CXADR: variants seen among roughly 807,000 people sequenced by gnomAD.
CXADR encodes CXADR cell adhesion molecule.
Under a neutral mutation model 40.3 loss-of-function variants are expected in CXADR, and 20 were observed. The ratio of observed to expected loss-of-function variants is 0.50; its 90% CI spans 0.35 to 0.72. The LOEUF (loss-of-function observed/expected upper bound fraction) is 0.72, where lower values mean the gene tolerates loss of function less well. Among genes scored for constraint, CXADR ranks in the 30% least tolerant of loss-of-function variants. CXADR has a pLI of 0.01. For missense variants in CXADR, 332 were observed against 449.1 expected (o/e 0.74, Z 2.36); for synonymous variants, 150 against 161.3 (o/e 0.93, Z 0.53).
chr21:17,617,778 C>T, the CXADR span, among the ~76,000 whole-genome samples: 1 of 151,938 alleles, frequency 6.6e-6, no homozygotes, highest in Non-Finnish European at 1.5e-5. Flanking sequence ...ATCAGTGTGG[C>T]GGGTGATGAA....
At chr21:17,579,936 G>A (rs1244132084) in intron 7 of CXADR, among the ~76,000 whole-genome samples, 2 of 151,646 alleles carry the variant, frequency 1.3e-5, no homozygotes, top group African/African-American at 2.4e-5. Flanking sequence ...TAGAGGACTT[G>A]GGTGCATCTA....
chr21:17,513,300 G>A (rs2060415009), intron 1 of CXADR, 128 bp downstream of exon 1: 3 of 929,740 alleles, frequency 3.2e-6, no homozygotes, highest in Middle Eastern at 3.8e-4. Context: ...TGCAGGGGCG[G>A]CGGGGCGGGC....
At chr21:17,588,418 G>T (rs2061412755) in intron 7 of CXADR, among the ~76,000 whole-genome samples, 1 of 152,102 alleles carries the variant, frequency 6.6e-6, no homozygotes, top group Non-Finnish European at 1.5e-5. Flanking sequence ...ATTGAGCAGT[G>T]GTTTGTAGTT....
intron 7 of CXADR, among the ~76,000 whole-genome samples, chr21:17,579,665 A>AT (rs2061346878): frequency 1.3e-5 from 2 of 152,166 alleles, no homozygotes; most frequent in Non-Finnish European, 2.9e-5. Flanking sequence ...AGAAGACAGA[A>AT]AAGAGATGAA....
intron 7 of CXADR, among the ~76,000 whole-genome samples, chr21:17,575,168 GTT>G (rs1436208691): frequency 1.3e-5 from 2 of 151,604 alleles, no homozygotes; most frequent in African/African-American, 4.8e-5. Flanking sequence ...AGGCTTTTCT[GTT>G]TTTTGTTTTG....
intron 1 of CXADR, among the ~76,000 whole-genome samples, chr21:17,535,025 G>A (rs1163040444): frequency 2.0e-5 from 3 of 152,040 alleles, no homozygotes; most frequent in African/African-American, 7.2e-5. Flanking sequence ...CAGGTGATCC[G>A]CCTGCCTTGG....
the CXADR span, among the ~76,000 whole-genome samples, chr21:17,635,941 T>TA: frequency 6.6e-6 from 1 of 152,216 alleles, no homozygotes; most frequent in African/African-American, 2.4e-5. Flanking sequence ...CTTAATTGAC[T>TA]TAGGTCTTCT....
chr21:17,515,100 C>T (rs1441993369), intron 1 of CXADR, among the ~76,000 whole-genome samples: 1 of 151,246 alleles, frequency 6.6e-6, no homozygotes, highest in Non-Finnish European at 1.5e-5. Flanking sequence ...GGGCCAGTGT[C>T]TCAGCTAAAC....
the CXADR span, among the ~76,000 whole-genome samples, chr21:17,625,258 C>T: frequency 6.6e-6 from 1 of 151,548 alleles, no homozygotes; most frequent in African/African-American, 2.4e-5. Context: ...ATAGGAATAC[C>T]ATTAGTTTGT....
chr21:17,555,405 A>G lies in CXADR; in HGVS notation c.415+3452A>G, dbSNP rs79225369. ...TACAATAATTTTTAGTTTTATGGAA[A>G]AGTTGCAAAAATACAAGGAAGTTTC... On this transcript the variant is annotated intron_variant, in intron 3 of 6. Coordinates refer to ENST00000284878, the MANE Select transcript of CXADR (RefSeq NM_001338.5). Among the ~76,000 whole-genome samples, 657 of 152,334 alleles carry G rather than the reference A, an allele frequency of 4.3e-3. 1 individual carries two copies. Among genetic ancestry groups the G allele is most frequent in the Non-Finnish European group, 6.6e-3 (452 of 68,030 alleles).
rs181559020 is a variant in CXADR, at chr21:17,568,865, A to G, written c.*3173A>G. 1.4e-3 allele frequency: 1,383 copies of G among 985,398 alleles called. 2 individuals are homozygous for G. The highest frequency in any genetic ancestry group is 1.6e-3 in the Non-Finnish European group (1,310 of 829,926). 61.0% of individuals were successfully genotyped at this position (985,398 alleles called of 1,614,324 possible). A position where few individuals can be genotyped will look rare whatever the true frequency, so the allele number is the denominator to read the frequency against. On this transcript the variant is annotated 3_prime_UTR_variant, in exon 7 of 7. Transcript: ENST00000284878. ...AAATTGCTTCTTTTTAATTTGAGCTATCTGCCATGGACTTTCTAAAATGGA... is the reference window on the plus strand; with the variant it reads ...AAATTGCTTCTTTTTAATTTGAGCTGTCTGCCATGGACTTTCTAAAATGGA...
intron 6 of CXADR, among the ~76,000 whole-genome samples, chr21:17,562,685 GT>G (rs1407085075): frequency 6.6e-6 from 1 of 152,180 alleles, no homozygotes; most frequent in East Asian, 1.9e-4. Context: ...TTGAAAATCT[GT>G]TACTTAGTGT....
chr21:17,569,283 A>G lies in CXADR; in HGVS notation c.*3591A>G. ...AAAAAGTTCATATTTTATGTGGTTA[A>G]TGCTTTGATGTGTCACATAAAGAGT... On this transcript the variant is annotated 3_prime_UTR_variant, in exon 7 of 7. Coordinates refer to ENST00000284878, the MANE Select transcript of CXADR (RefSeq NM_001338.5). 1 of 985,318 alleles carries G rather than the reference A, an allele frequency of 1.0e-6. No individual in the cohort carries two copies. Among genetic ancestry groups the G allele is most frequent in the Non-Finnish European group, 1.2e-6 (1 of 829,906 alleles). 61.0% of individuals were successfully genotyped at this position (985,318 alleles called of 1,614,324 possible).
intron 1 of CXADR, among the ~76,000 whole-genome samples, chr21:17,536,736 G>A (rs2060763339): frequency 6.6e-6 from 1 of 152,044 alleles, no homozygotes; most frequent in Non-Finnish European, 1.5e-5. Flanking sequence ...TCTGAGATGA[G>A]CTGACAAGTA....
chr21:17,521,187 A>G (rs868566399), intron 1 of CXADR, among the ~76,000 whole-genome samples: 1 of 152,214 alleles, frequency 6.6e-6, no homozygotes, highest in African/African-American at 2.4e-5. Context: ...TAGGAGACCT[A>G]GAGGATGAAG....
the CXADR span, among the ~76,000 whole-genome samples, chr21:17,617,124 C>A: frequency 6.6e-6 from 1 of 152,154 alleles, no homozygotes; most frequent in East Asian, 1.9e-4. Flanking sequence ...GAAGAAAATG[C>A]TTTGATCAAA....
chr21:17,535,453 G>A (rs946165957), intron 1 of CXADR, among the ~76,000 whole-genome samples: 4 of 151,954 alleles, frequency 2.6e-5, no homozygotes, highest in African/African-American at 7.3e-5. Flanking sequence ...CCTCCTCAGC[G>A]CCTCCGAAAG....
At chr21:17,629,404 A>T in the CXADR span, among the ~76,000 whole-genome samples, 29 of 151,454 alleles carry the variant, frequency 1.9e-4, no homozygotes, top group Admixed American at 1.4e-3. Flanking sequence ...AAAAAAAAAA[A>T]AAATTAAAAA....
chr21:17,591,344 TTAC>T (rs1398383215), intron 7 of CXADR, among the ~76,000 whole-genome samples: 1 of 152,020 alleles, frequency 6.6e-6, no homozygotes, highest in Non-Finnish European at 1.5e-5. Context: ...AAAAAATTAT[TTAC>T]TATTATCTGT....
Sources: gnomAD v4.1 joint callset for allele counts (sites outside exome capture counted in the v4.1 genomes callset) on GRCh38, gnomAD v4.1.1 for gene constraint, MANE v1.5 for transcripts, NCBI Gene and HGNC (gene_info 2026-07-23, HGNC 2026-07-21) for gene names.